The following SYT16 variants were observed in gnomAD, a reference collection of about 807,000 sequenced individuals.
The protein encoded by SYT16 is synaptotagmin-16.
SYT16 carries 42 observed loss-of-function variants against 61.4 expected under a neutral mutation model. That is an observed-to-expected ratio of 0.68 (90% CI 0.53 to 0.89). The LOEUF is 0.89. SYT16 is among the 40% of genes least tolerant of loss of function. The pLI is 0.00. For synonymous variants in SYT16, 314 were observed against 302.3 expected, an observed-to-expected ratio of 1.04 and a Z score of -0.40; for missense variants, 804 against 807.3, an observed-to-expected ratio of 1.00 and a Z score of 0.05.
At chr14:61,895,476 C>T (rs1256182950) in intron 1 of SYT16, among the ~76,000 whole-genome samples, 3 of 152,154 alleles carry the variant, frequency 2.0e-5, no homozygotes, top group African/African-American at 4.8e-5. Flanking sequence ...CTTTTTGTGT[C>T]TGAGTTTTCT....
intron 4 of SYT16, 126 bp from the exon 5 acceptor site, chr14:62,075,009 C>A: frequency 1.0e-6 from 1 of 972,516 alleles, no homozygotes; most frequent in Non-Finnish European, 1.5e-6. Context: ...TATGTTTCTG[C>A]AGGTATTATT....
At chr14:62,067,484 G>C (rs2056109847) in intron 3 of SYT16, among the ~76,000 whole-genome samples, 1 of 152,288 alleles carries the variant, frequency 6.6e-6, no homozygotes, top group Admixed American at 6.5e-5. Context: ...AACAATCTCG[G>C]CCTGTTGGAG....
intron 3 of SYT16, among the ~76,000 whole-genome samples, chr14:62,022,902 C>T (rs776385425): frequency 6.6e-6 from 1 of 151,970 alleles, no homozygotes; most frequent in Non-Finnish European, 1.5e-5. Context: ...ATTTGAGTCC[C>T]CTTATAAACA....
intron 1 of SYT16, among the ~76,000 whole-genome samples, chr14:61,813,624 G>A (rs2045336886): frequency 1.3e-5 from 2 of 152,130 alleles, no homozygotes; most frequent in African/African-American, 2.4e-5. Flanking sequence ...AATGGGGCTG[G>A]ATGTGCTGGC....
At chr14:61,938,985 A>T (rs988613112) in intron 1 of SYT16, among the ~76,000 whole-genome samples, 5 of 152,172 alleles carry the variant, frequency 3.3e-5, no homozygotes, top group African/African-American at 9.7e-5. Context: ...AAATACAAAA[A>T]TTAGCTGGGC....
chr14:61,880,998 G>C (rs1156229126), intron 1 of SYT16, among the ~76,000 whole-genome samples: 1 of 151,996 alleles, frequency 6.6e-6, no homozygotes, highest in Non-Finnish European at 1.5e-5. Flanking sequence ...TTCACAAAAT[G>C]AACAAATTTA....
At position 62,072,161 on chromosome 14, in the gene SYT16, AT is replaced by A. The variant is rs148899209; in HGVS notation, c.736+2351del. On this transcript the variant is annotated intron_variant, in intron 4 of 7. Transcript: ENST00000683842. The stretch of plus-strand genomic sequence containing the variant: ...TTTCTTTTTTTCTAGCAGTAACCTT[AT>A]TTTTGTGTATGGAATAGTTATTCTG... Among the ~76,000 whole-genome samples the A allele has an allele frequency of 2.2e-3, 327 of 152,070 alleles. 1 individual carries two copies. The highest frequency in any genetic ancestry group is 3.8e-3 in the Non-Finnish European group (261 of 67,956).
intron 3 of SYT16, among the ~76,000 whole-genome samples, chr14:62,001,456 T>G (rs180859195): frequency 5.9e-5 from 9 of 152,262 alleles, no homozygotes; most frequent in Non-Finnish European, 1.2e-4. Flanking sequence ...CATTTATTTT[T>G]CTGCATGTAA....
At chr14:61,918,405 C>A (rs562406105) in intron 1 of SYT16, among the ~76,000 whole-genome samples, 31 of 152,104 alleles carry the variant, frequency 2.0e-4, no homozygotes, top group African/African-American at 6.7e-4. Context: ...GTGGTGATGG[C>A]TGCAAACACC....
At chr14:61,841,588 T>G (rs2046302691) in intron 1 of SYT16, among the ~76,000 whole-genome samples, 1 of 152,152 alleles carries the variant, frequency 6.6e-6, no homozygotes, top group Admixed American at 6.5e-5. Flanking sequence ...TGTGTAATGG[T>G]GGGGGTTGGG....
At chr14:61,969,747 A>C (rs1042268375) in intron 1 of SYT16, among the ~76,000 whole-genome samples, 1 of 152,100 alleles carries the variant, frequency 6.6e-6, no homozygotes, top group African/African-American at 2.4e-5. Flanking sequence ...ATTTTTGGAG[A>C]CTTGCTTTTA....
intron 1 of SYT16, among the ~76,000 whole-genome samples, chr14:61,850,428 C>T (rs2046578474): frequency 6.6e-6 from 1 of 152,038 alleles, no homozygotes. Flanking sequence ...AGCCACCGTG[C>T]CTGGCCTAAT....
intron 3 of SYT16, among the ~76,000 whole-genome samples, chr14:62,016,556 A>G (rs2140734462): frequency 6.7e-6 from 1 of 149,426 alleles, no homozygotes; most frequent in South Asian, 2.1e-4. Flanking sequence ...AAAAAAAAAA[A>G]AAAAAAATTA....
At chr14:61,962,889 C>G (rs1037843675) in intron 1 of SYT16, among the ~76,000 whole-genome samples, 2 of 152,084 alleles carry the variant, frequency 1.3e-5, no homozygotes, top group African/African-American at 4.8e-5. Flanking sequence ...ATTTTGCTCA[C>G]ATATTGTTTT....
intron 2 of SYT16, among the ~76,000 whole-genome samples, chr14:61,981,554 A>G (rs914046101): frequency 6.6e-6 from 1 of 152,208 alleles, no homozygotes; most frequent in Non-Finnish European, 1.5e-5. Flanking sequence ...TCATTTCCAA[A>G]TGATACTCTC....
At chr14:62,081,854 T>A (rs2056719835) in intron 6 of SYT16, among the ~76,000 whole-genome samples, 1 of 152,174 alleles carries the variant, frequency 6.6e-6, no homozygotes, top group Admixed American at 6.5e-5. Flanking sequence ...GCCCATCTCC[T>A]TTTACAAAAC....
intron 1 of SYT16, among the ~76,000 whole-genome samples, chr14:61,863,258 G>C (rs73258403): frequency 6.6e-6 from 1 of 152,124 alleles, no homozygotes; most frequent in African/African-American, 2.4e-5. Context: ...GAGAGTTCCT[G>C]TTGTTCCGCA....
intron 1 of SYT16, among the ~76,000 whole-genome samples, chr14:61,895,295 C>G (rs1303639098): frequency 6.6e-6 from 1 of 151,988 alleles, no homozygotes; most frequent in Non-Finnish European, 1.5e-5. Flanking sequence ...ATGCTGAATC[C>G]CTCTGGCTTC....
chr14:61,939,448 C>T (rs780294235), intron 1 of SYT16, among the ~76,000 whole-genome samples: 18 of 152,234 alleles, frequency 1.2e-4, no homozygotes, highest in Non-Finnish European at 2.1e-4. Flanking sequence ...TCTATTTTCT[C>T]ACAGTCCTGG....
Sources: gnomAD v4.1 joint callset for allele counts (sites outside exome capture counted in the v4.1 genomes callset) on GRCh38, gnomAD v4.1.1 for gene constraint, MANE v1.5 for transcripts, NCBI Gene and HGNC (gene_info 2026-07-23, HGNC 2026-07-21) for gene names.